Variants in CAMK2G observed in about 807,000 individuals in gnomAD.
CAMK2G encodes the protein calcium/calmodulin dependent protein kinase II gamma, also known as calcium/calmodulin-dependent protein kinase type II subunit gamma.
Under a neutral mutation model 88.7 loss-of-function variants are expected in CAMK2G, and 23 were observed. The ratio of observed to expected loss-of-function variants is 0.26; its 90% CI spans 0.19 to 0.37. The LOEUF is 0.37. CAMK2G is among the 10% of genes least tolerant of loss of function. CAMK2G has a pLI of 1.00. For synonymous variants in CAMK2G, 263 were observed against 294.8 expected (o/e 0.89, Z 1.11); for missense variants, 476 against 780.8 (o/e 0.61, Z 4.65).
At chr10:73,860,169 C>G (rs1353600032) in intron 3 of CAMK2G, among the ~76,000 whole-genome samples, 3 of 152,208 alleles carry the variant, frequency 2.0e-5, no homozygotes, top group Non-Finnish European at 4.4e-5. Flanking sequence ...TTCAGCTGAA[C>G]AAAGTAAAAC....
At chr10:73,835,949 C>T (rs2093160166) in intron 14 of CAMK2G, among the ~76,000 whole-genome samples, 1 of 152,162 alleles carries the variant, frequency 6.6e-6, no homozygotes, top group Admixed American at 6.5e-5. Context: ...ATTCTCCTGC[C>T]TCAGACTCCC....
chr10:73,874,543 G>T lies in CAMK2G; in HGVS notation c.-82C>A. The T allele has an allele frequency of 1.0e-6, 1 of 959,192 alleles. No homozygotes were observed. Among genetic ancestry groups the T allele is most frequent in the Non-Finnish European group, 1.5e-6 (1 of 687,744 alleles). The allele number at this position is 959,192 out of a possible 1,614,324, so 59.4% of individuals were successfully genotyped here. A position where few individuals can be genotyped will look rare whatever the true frequency, so the allele number is the denominator to read the frequency against. The stretch of plus-strand genomic sequence containing the variant: ...CCGCCGCCCGGCCGAGGGAGCAAGA[G>T]GAGGAGACGGGGCTGAGCCCGGCAG... On this transcript the variant is annotated 5_prime_UTR_variant, in exon 1 of 23. Coordinates refer to ENST00000423381, the MANE Select transcript of CAMK2G (RefSeq NM_001367534.1).
chr10:73,816,435 G>C (rs766342094), intron 21 of CAMK2G: 10 of 1,078,422 alleles, frequency 9.3e-6, no homozygotes, highest in African/African-American at 1.7e-5. Flanking sequence ...CTTCCAATCC[G>C]TCTTGGAAAG....
chr10:73,873,124 G>T (rs1177514887), intron 1 of CAMK2G, 41 bp from the exon 2 acceptor site: 3 of 1,365,074 alleles, frequency 2.2e-6, no homozygotes, highest in Non-Finnish European at 2.1e-6. Context: ...ACGGAGCAGG[G>T]CAGAGTGACA....
Position 73,853,369 on chromosome 10 carries a change from G to T in CAMK2G, c.221-123C>A, listed in dbSNP as rs1170680521. The T allele has an allele frequency of 5.0e-6, 4 of 807,660 alleles. No individual in the cohort carries two copies. The Admixed American group carries it at 6.8e-5, about 14-fold the overall frequency. 50.0% of individuals were successfully genotyped at this position (807,660 alleles called of 1,614,324 possible). On this transcript the variant is annotated intron_variant, in intron 3 of 22. Transcript: ENST00000423381. Reference sequence around the variant, plus strand: ...CTCACAGGGCTCTCCAGAAGGAGCAGTGGGGGGAAGTGGCGACGTGCCCAG... The same window carrying T: ...CTCACAGGGCTCTCCAGAAGGAGCATTGGGGGGAAGTGGCGACGTGCCCAG...
At chr10:73,833,572 A>C (rs1009867498) in intron 14 of CAMK2G, among the ~76,000 whole-genome samples, 4 of 148,184 alleles carry the variant, frequency 2.7e-5, no homozygotes, top group Non-Finnish European at 5.9e-5. Context: ...TCAGGTTGTC[A>C]GTTTATTTTC....
chr10:73,824,347 G>C (rs1048128550), intron 16 of CAMK2G, among the ~76,000 whole-genome samples: 3 of 152,180 alleles, frequency 2.0e-5, no homozygotes, highest in Non-Finnish European at 2.9e-5. Context: ...TGACAGCAAG[G>C]GCCTCTGTCC....
intron 1 of CAMK2G, 126 bp downstream of exon 1, chr10:73,874,271 G>A: frequency 2.2e-6 from 1 of 453,838 alleles, no homozygotes; most frequent in Non-Finnish European, 3.2e-6. Context: ...CGGCGGGCGG[G>A]AAAGGCGGGG....
chr10:73,874,250 G>A, intron 1 of CAMK2G, 147 bp downstream of exon 1: 1 of 373,828 alleles, frequency 2.7e-6, no homozygotes, highest in Non-Finnish European at 4.4e-6. Flanking sequence ...GGGGGGCGCG[G>A]GGACCGAAGG....
At chr10:73,852,843 G>C (rs2094730852) in intron 4 of CAMK2G, 2 of 294,002 alleles carry the variant, frequency 6.8e-6, no homozygotes, top group Non-Finnish European at 6.3e-6. Flanking sequence ...ACTAATGAAA[G>C]CTACCTCTGA....
intron 15 of CAMK2G, among the ~76,000 whole-genome samples, chr10:73,826,476 G>A (rs1053641809): frequency 6.6e-6 from 1 of 152,016 alleles, no homozygotes; most frequent in African/African-American, 2.4e-5. Flanking sequence ...TTACACGGAG[G>A]GGCACAGCAA....
Position 73,839,711 on chromosome 10 carries a change from C to T in CAMK2G, c.947-110G>A, listed in dbSNP as rs928667833. On this transcript the variant is annotated intron_variant, in intron 12 of 22. Transcript: ENST00000423381. The surrounding 1 kb of genome is among the most constrained non-coding windows in gnomAD (Gnocchi z 4.2). ...GCCCAGGCGGCGTGGCCAAGCCAGC[C>T]GAGCTGGGGGAGCGGAGCGCCAGGG... is the stretch of plus-strand genomic sequence containing the variant. 19 of 591,480 alleles carry T rather than the reference C, an allele frequency of 3.2e-5. No individual in the cohort carries two copies. The highest frequency in any genetic ancestry group is 3.9e-4 in the Middle Eastern group (1 of 2,578). The allele number at this position is 591,480 out of a possible 1,614,324, so 36.6% of individuals were successfully genotyped here.
intron 3 of CAMK2G, among the ~76,000 whole-genome samples, chr10:73,858,430 GATCCATGGCA>G (rs2095199626): frequency 1.3e-5 from 2 of 152,216 alleles, no homozygotes; most frequent in South Asian, 2.1e-4. Context: ...GCCAGGTCCA[GATCCATGGCA>G]ACCACAGCCG....
chr10:73,858,546 C>T (rs866502965), intron 3 of CAMK2G, among the ~76,000 whole-genome samples: 15 of 152,180 alleles, frequency 9.9e-5, no homozygotes, highest in Non-Finnish European at 1.8e-4. Context: ...TTCCCTCTGC[C>T]CACCCTCAAC....
At chr10:73,831,470 G>A (rs1355601638) in intron 14 of CAMK2G, among the ~76,000 whole-genome samples, 3 of 150,438 alleles carry the variant, frequency 2.0e-5, no homozygotes, top group East Asian at 2.0e-4. Context: ...CCCGGGAGGC[G>A]GAGGTTGCAG....
intron 5 of CAMK2G, among the ~76,000 whole-genome samples, chr10:73,850,926 A>G (rs1015680788): frequency 1.3e-5 from 2 of 152,172 alleles, no homozygotes; most frequent in African/African-American, 2.4e-5. Context: ...AAAATGGCAA[A>G]AGTGCGAAGT....
chr10:73,867,461 C>T (rs2095637646), intron 2 of CAMK2G, among the ~76,000 whole-genome samples: 1 of 152,196 alleles, frequency 6.6e-6, no homozygotes, highest in African/African-American at 2.4e-5. Flanking sequence ...ACATTTCCTT[C>T]ATGGTAACCA....
At chr10:73,816,859 T>A in intron 21 of CAMK2G, 164 bp downstream of exon 21, 2 of 1,595,080 alleles carry the variant, frequency 1.3e-6, no homozygotes, top group East Asian at 2.3e-5. Context: ...AAGGTGCCTG[T>A]CTACAACCAT....
intron 17 of CAMK2G, among the ~76,000 whole-genome samples, chr10:73,822,294 A>T (rs1161805179): frequency 6.6e-6 from 1 of 152,030 alleles, no homozygotes. Context: ...CAGCCTCCTG[A>T]GTAGCTGGGA....
Sources: gnomAD v4.1 joint callset for allele counts (sites outside exome capture counted in the v4.1 genomes callset) on GRCh38, gnomAD v4.1.1 for gene constraint, Gnocchi (gnomAD v3.1) non-coding constraint, MANE v1.5 for transcripts, NCBI Gene and HGNC (gene_info 2026-07-23, HGNC 2026-07-21) for gene names.